Variants in BPIFC observed in about 807,000 individuals in gnomAD.
BPIFC encodes the protein BPI fold-containing family C protein.
In BPIFC, 60 loss-of-function variants were observed where a neutral mutation model predicts 57.6. The ratio of observed to expected loss-of-function variants is 1.04; its 90% CI spans 0.85 to 1.29. BPIFC has a LOEUF of 1.29. Ranked by LOEUF, BPIFC falls within the 50% of genes most tolerant of loss-of-function variation. The probability of loss-of-function intolerance (pLI) is 0.00; values close to 1 mark genes in which losing one functional copy is unlikely to be tolerated. For missense variants in BPIFC, 581 were observed against 600.5 expected (o/e 0.97, Z 0.34); for synonymous variants, 243 against 224.5 (o/e 1.08, Z -0.74).
intron 5 of BPIFC, 81 bp from the exon 6 acceptor site, chr22:32,446,077 T>C (rs1382442148): frequency 6.6e-7 from 1 of 1,512,730 alleles, no homozygotes; most frequent in African/African-American, 1.4e-5. Context: ...CCAGAGACTC[T>C]AAGCTCCTGG....
At chr22:32,426,970 G>A (rs1934087054) in intron 13 of BPIFC, among the ~76,000 whole-genome samples, 1 of 152,094 alleles carries the variant, frequency 6.6e-6, no homozygotes, top group East Asian at 1.9e-4. Flanking sequence ...TTTGCAGTGG[G>A]CCCTGCAAAT....
In BPIFC at chr22:32,417,086, A is replaced by G. The variant is rs772057416; in HGVS notation, c.1323T>C (p.Asn441=). 97 of 1,594,766 alleles carry G rather than the reference A, an allele frequency of 6.1e-5. No individual in the cohort carries two copies. The highest frequency in any genetic ancestry group is 8.2e-5 in the Non-Finnish European group (95 of 1,162,726). ...ILHFGVLPLA[N]AKLQQGFPLS... The stretch of plus-strand genomic sequence containing the variant: ...CATTGTTTTCCAATAATCCCTTACC[A>G]TTGGCCAGTGGGAGGACTCCAAAGT... The change falls in exon 15 of 17, where the codon AAT becomes AAC. Residue 441 remains asparagine, a splice_region_variant and synonymous_variant. Coordinates refer to ENST00000300399, the MANE Select transcript of BPIFC (RefSeq NM_174932.3).
At chr22:32,455,052 T>C (rs530597223) in intron 3 of BPIFC, among the ~76,000 whole-genome samples, 168 of 74,424 alleles carry the variant, frequency 2.3e-3, no homozygotes, top group African/African-American at 9.6e-3. Flanking sequence ...TTCATCTCCA[T>C]TTTTTTTTTT....
In BPIFC at chr22:32,437,742, T is replaced by A; in HGVS notation, c.747+18A>T. The A allele has an allele frequency of 6.5e-7, 1 of 1,541,102 alleles. No homozygotes were observed. Among genetic ancestry groups the A allele is most frequent in the Non-Finnish European group, 9.0e-7 (1 of 1,114,100 alleles). ...CTGTTGACAGCCAGGCTGAGGATTC[T>A]GATGATGATAAAGTTACCTTCAAGT... On this transcript the variant is annotated intron_variant, in intron 9 of 16. Transcript: ENST00000300399.
At chr22:32,437,244 T>C (rs1601463505) in intron 9 of BPIFC, among the ~76,000 whole-genome samples, 1 of 152,234 alleles carries the variant, frequency 6.6e-6, no homozygotes, top group African/African-American at 2.4e-5. Flanking sequence ...AATACAATCA[T>C]TTGCTTATCA....
At chr22:32,441,705 T>C (rs1296407868) in intron 8 of BPIFC, among the ~76,000 whole-genome samples, 4 of 151,684 alleles carry the variant, frequency 2.6e-5, no homozygotes, top group African/African-American at 9.7e-5. Context: ...TCCTCCAGGG[T>C]TTAGCACAGT....
Position 32,417,127 on chromosome 22 carries a change from G to T in BPIFC, c.1282C>A (p.Leu428Ile). 2 of 1,601,958 alleles carry T rather than the reference G, an allele frequency of 1.2e-6. No homozygotes were observed. Among genetic ancestry groups the T allele is most frequent in the Non-Finnish European group, 8.5e-7 (1 of 1,171,082 alleles). Residue 428 changes from leucine (L) to isoleucine (I), a missense_variant, in exon 15 of 17, where the codon CTA becomes ATA. Physicochemically the swap from Leu to Ile is conservative, Grantham distance 5 (BLOSUM62 2). Transcript: ENST00000300399. ...NIEVLRFENI[L>I]SSILHFGVLP... ...ACTCCAAAGTGAAGAATGGACGATA[G>T]AATATTTTCAAACCTCAAGACCTAA...
At chr22:32,444,850 C>T (rs1400058851) in intron 7 of BPIFC, among the ~76,000 whole-genome samples, 2 of 152,156 alleles carry the variant, frequency 1.3e-5, no homozygotes, top group African/African-American at 4.8e-5. Flanking sequence ...CTCTGAACCT[C>T]TCCTGCTCAA....
intron 16 of BPIFC, 90 bp downstream of exon 16, chr22:32,415,825 C>T (rs1166107281): frequency 3.4e-6 from 3 of 883,280 alleles, no homozygotes; most frequent in Non-Finnish European, 3.2e-6. Flanking sequence ...CAAAAACAAA[C>T]AACAACAACA....
intron 16 of BPIFC, 47 bp downstream of exon 16, chr22:32,415,868 C>T (rs1408538741): frequency 1.5e-6 from 2 of 1,353,546 alleles, no homozygotes; most frequent in East Asian, 2.5e-5. Flanking sequence ...GCTTAGTCTA[C>T]TATAAAAAGA....
intron 1 of BPIFC, among the ~76,000 whole-genome samples, chr22:32,463,066 T>C (rs527657967): frequency 6.6e-6 from 1 of 152,344 alleles, no homozygotes; most frequent in South Asian, 2.1e-4. Flanking sequence ...AGTGGTACAC[T>C]TTGATGGAGA....
At chr22:32,429,759 C>T (rs1934187377) in intron 13 of BPIFC, among the ~76,000 whole-genome samples, 1 of 151,972 alleles carries the variant, frequency 6.6e-6, no homozygotes, top group Non-Finnish European at 1.5e-5. Context: ...TCATCATCTA[C>T]TTGTCTCGTC....
chr22:32,442,168 G>C (rs138023883), intron 8 of BPIFC, among the ~76,000 whole-genome samples: 1 of 152,208 alleles, frequency 6.6e-6, no homozygotes, highest in African/African-American at 2.4e-5. Context: ...GCAAAGGCAA[G>C]GGGTGAGGAG....
At chr22:32,429,809 C>T (rs1291677705) in intron 13 of BPIFC, among the ~76,000 whole-genome samples, 1 of 152,100 alleles carries the variant, frequency 6.6e-6, no homozygotes, top group East Asian at 1.9e-4. Context: ...GCGACCGCGC[C>T]TGGCCATTTT....
chr22:32,434,532 C>T (rs1032600127), intron 10 of BPIFC, among the ~76,000 whole-genome samples: 6 of 150,704 alleles, frequency 4.0e-5, no homozygotes, highest in Admixed American at 2.7e-4. Context: ...ATATATATTA[C>T]AATCTATGTG....
At chr22:32,447,607 CTTTTT>C (rs11375413) in intron 4 of BPIFC, among the ~76,000 whole-genome samples, 1 of 132,816 alleles carries the variant, frequency 7.5e-6, no homozygotes, top group Non-Finnish European at 1.6e-5. Context: ...CTCTCGCTCT[CTTTTT>C]TTTTTTTTTT....
chr22:32,460,348 T>C (rs1935135927), intron 2 of BPIFC, among the ~76,000 whole-genome samples: 1 of 152,204 alleles, frequency 6.6e-6, no homozygotes, highest in Non-Finnish European at 1.5e-5. Flanking sequence ...TGGGCTGGAA[T>C]TTTGTCTAGT....
intron 13 of BPIFC, among the ~76,000 whole-genome samples, chr22:32,423,545 G>A (rs139159921): frequency 3.3e-3 from 490 of 150,138 alleles, no homozygotes; most frequent in African/African-American, 0.011. Context: ...GCATTCTCTC[G>A]CTATGTTGCT....
intron 15 of BPIFC, among the ~76,000 whole-genome samples, chr22:32,416,878 C>T (rs1473136287): frequency 1.3e-5 from 2 of 152,198 alleles, no homozygotes; most frequent in South Asian, 2.1e-4. Context: ...GAATTGCTAA[C>T]AGGGCTTGGA....
Sources: gnomAD v4.1 joint callset for allele counts (sites outside exome capture counted in the v4.1 genomes callset) on GRCh38, gnomAD v4.1.1 for gene constraint, MANE v1.5 for transcripts, NCBI Gene and HGNC (gene_info 2026-07-23, HGNC 2026-07-21) for gene names.